Variants in LRP12 observed in about 807,000 individuals in gnomAD.
LRP12 encodes the protein low-density lipoprotein receptor-related protein 12.
LRP12 carries 14 observed loss-of-function variants against 66.0 expected under a neutral mutation model. The observed-to-expected ratio is 0.21, with a 90% confidence interval of 0.14 to 0.33. The LOEUF is 0.33. Ranked by LOEUF, LRP12 falls within the 10% of genes least tolerant of loss-of-function variation. LRP12 has a pLI of 1.00. For missense variants in LRP12, 889 were observed against 1,053.4 expected (o/e 0.84, Z 2.16); for synonymous variants, 357 against 359.1 (o/e 0.99, Z 0.07).
chr8:104,586,255 G>A (rs748138090), intron 1 of LRP12, among the ~76,000 whole-genome samples: 10 of 152,164 alleles, frequency 6.6e-5, no homozygotes, highest in Non-Finnish European at 1.5e-4. Context: ...ACATATCAGA[G>A]CCCATAAAAT....
intron 3 of LRP12, chr8:104,506,544 C>T (rs1810910005): frequency 6.6e-6 from 1 of 152,034 alleles, no homozygotes; most frequent in East Asian, 1.9e-4. Flanking sequence ...ATTACAGATC[C>T]TTTCATGGAG....
chr8:104,547,999 TATATAATATATAATTGTTATATTTTG>T (rs1811626048), intron 1 of LRP12, among the ~76,000 whole-genome samples: 1 of 123,368 alleles, frequency 8.1e-6, no homozygotes, highest in African/African-American at 3.1e-5. Flanking sequence ...TTATATTTTG[TATATAATATATAATTGTTATATTTTG>T]TATATAATAT....
chr8:104,536,504 A>C (rs185322548), intron 1 of LRP12, among the ~76,000 whole-genome samples: 3 of 152,246 alleles, frequency 2.0e-5, no homozygotes, highest in Admixed American at 2.0e-4. Context: ...CTAGTACAAA[A>C]CATAACACAT....
chr8:104,548,429 T>A (rs1445194198), intron 1 of LRP12, among the ~76,000 whole-genome samples: 20 of 112,500 alleles, frequency 1.8e-4, no homozygotes, highest in Non-Finnish European at 1.6e-4. Flanking sequence ...ATAATTAAAA[T>A]ATATAATTCT....
chr8:104,507,611 G>A (rs564068984), intron 3 of LRP12: 2 of 152,126 alleles, frequency 1.3e-5, no homozygotes, highest in Non-Finnish European at 2.9e-5. Flanking sequence ...AACATACTTA[G>A]TCACACTACA....
chr8:104,489,726 T>C lies in LRP12; in HGVS notation c.*947A>G, dbSNP rs1329461797. The C allele has an allele frequency of 6.6e-6, 1 of 152,286 alleles. No homozygotes were observed. The highest frequency in any genetic ancestry group is 1.5e-5 in the Non-Finnish European group (1 of 68,024). 9.4% of individuals were successfully genotyped at this position (152,286 alleles called of 1,614,324 possible). On this transcript the variant is annotated 3_prime_UTR_variant, in exon 7 of 7. Coordinates refer to ENST00000276654, the MANE Select transcript of LRP12 (RefSeq NM_013437.5). ...GCCAAAAGCTATGGAAATATATAGT[T>C]GCTGTGGTAGCAAATAATAGTATTT... is the stretch of plus-strand genomic sequence containing the variant.
At chr8:104,577,042 T>G (rs1812175323) in intron 1 of LRP12, among the ~76,000 whole-genome samples, 1 of 152,126 alleles carries the variant, frequency 6.6e-6, no homozygotes, top group Non-Finnish European at 1.5e-5. Flanking sequence ...AGGAAGATTT[T>G]AAATATATAT....
chr8:104,499,549 A>C, intron 3 of LRP12, 30 bp from the exon 4 acceptor site: 3 of 1,533,540 alleles, frequency 2.0e-6, no homozygotes, highest in Non-Finnish European at 2.7e-6. Flanking sequence ...TGTCTATTAA[A>C]AAGTCAATTT....
intron 6 of LRP12, among the ~76,000 whole-genome samples, chr8:104,491,810 T>C (rs996770240): frequency 6.6e-6 from 1 of 152,182 alleles, no homozygotes; most frequent in Non-Finnish European, 1.5e-5. Flanking sequence ...TGATATTTAA[T>C]GTAAATTATA....
rs1355658376 is a variant in LRP12, at chr8:104,548,271, A to G, written c.80-16308T>C. ...TATATATTATATTAATATATGATAT[A>G]TATTATATTAATATATCATATATTT... On this transcript the variant is annotated intron_variant, in intron 1 of 6. Transcript: ENST00000276654. Among the ~76,000 whole-genome samples, 6 of 94,666 alleles carry G rather than the reference A, an allele frequency of 6.3e-5. No homozygotes were observed. In the South Asian group the frequency reaches 1.7e-3, roughly 26 times the overall value. 62.1% of individuals were successfully genotyped at this position (94,666 alleles called of 152,430 possible).
intron 1 of LRP12, among the ~76,000 whole-genome samples, chr8:104,579,529 T>C (rs1812214328): frequency 6.6e-6 from 1 of 152,186 alleles, no homozygotes; most frequent in Non-Finnish European, 1.5e-5. Context: ...GATTCAATGC[T>C]ATTCCTATTA....
chr8:104,497,067 A>G lies in LRP12; in HGVS notation c.1485T>C (p.Thr495=). Residue 495 remains threonine, a synonymous_variant, in exon 5 of 7, where the codon ACT becomes ACC. Transcript: ENST00000276654. The surrounding 1 kb of genome is among the most constrained non-coding windows in gnomAD (Gnocchi z 4.3). The part of the protein sequence containing the change: ...CPVIVPTRVI[T]AAVIGSLICG... Reference sequence around the variant, plus strand: ...AGATGAGGCTCCCTATGACGGCAGCAGTGATGACTCTTGTAGGCACGATTA... The same window carrying G: ...AGATGAGGCTCCCTATGACGGCAGCGGTGATGACTCTTGTAGGCACGATTA... The G allele has an allele frequency of 1.9e-6, 3 of 1,611,922 alleles. No homozygotes were observed. Among genetic ancestry groups the G allele is most frequent in the Non-Finnish European group, 2.5e-6 (3 of 1,178,648 alleles).
chr8:104,499,842 C>T (rs995240590), intron 3 of LRP12, among the ~76,000 whole-genome samples: 6 of 152,138 alleles, frequency 3.9e-5, no homozygotes, highest in African/African-American at 9.7e-5. Context: ...TAACTCAGAA[C>T]ATCCTAAACT....
Position 104,497,116 on chromosome 8 carries a change from C to A in LRP12, c.1436G>T (p.Gly479Val), listed in dbSNP as rs1331451500. Reference protein sequence around the residue: ...VCDSQDDCGDGSDEENCPVIV... With the variant: ...VCDSQDDCGDVSDEENCPVIV... ...TACTGGGCAATTTTCTTCATCGCTG[C>A]CATCACCACAGTCATCTTGAGAATC... The change falls in exon 5 of 7, where the codon GGC (glycine) becomes GTC (valine). Residue 479 changes from glycine to valine, a missense_variant. This residue lies in a region of LRP12 where 800 missense variants were observed against 964.5 expected (regional missense o/e 0.83). Transcript: ENST00000276654. The surrounding 1 kb of genome is among the most constrained non-coding windows in gnomAD (Gnocchi z 4.3). 1 of 1,613,482 alleles carries A rather than the reference C, an allele frequency of 6.2e-7. No individual in the cohort carries two copies. Among genetic ancestry groups the A allele is most frequent in the Non-Finnish European group, 8.5e-7 (1 of 1,179,668 alleles).
chr8:104,546,376 G>T (rs1268805850), intron 1 of LRP12, among the ~76,000 whole-genome samples: 1 of 152,032 alleles, frequency 6.6e-6, no homozygotes, highest in African/African-American at 2.4e-5. Flanking sequence ...ACCCAAAAAA[G>T]CTCTCTGATG....
chr8:104,517,317 AG>A lies in LRP12; in HGVS notation c.137-8244del, dbSNP rs143828981. Reference sequence around the variant, plus strand: ...GCCGACCAAAAACCTATATTATACAAGTATAGAACAGAGAAGGTTATGCTTG... The same window carrying A: ...GCCGACCAAAAACCTATATTATACAATATAGAACAGAGAAGGTTATGCTTG... On this transcript the variant is annotated intron_variant, in intron 2 of 6. Transcript: ENST00000276654. Among the ~76,000 whole-genome samples the A allele has an allele frequency of 3.6e-3, 551 of 151,894 alleles. 7 individuals are homozygous for A. The highest frequency in any genetic ancestry group is 0.012 in the African/African-American group (506 of 41,454).
intron 1 of LRP12, among the ~76,000 whole-genome samples, chr8:104,583,510 T>C (rs1812287038): frequency 6.6e-6 from 1 of 152,188 alleles, no homozygotes. Context: ...TTACTCACTA[T>C]CTCTGCCCCA....
chr8:104,562,055 A>C (rs1043259882), intron 1 of LRP12, among the ~76,000 whole-genome samples: 9 of 152,204 alleles, frequency 5.9e-5, no homozygotes, highest in African/African-American at 2.2e-4. Flanking sequence ...TTCTACGAGC[A>C]GAAGCGTAAA....
At chr8:104,549,517 C>A (rs1290217941) in intron 1 of LRP12, among the ~76,000 whole-genome samples, 5 of 151,568 alleles carry the variant, frequency 3.3e-5, no homozygotes, top group African/African-American at 4.9e-5. Context: ...ATTCTCCTGC[C>A]TCAGCCTCCC....
Sources: allele counts gnomAD v4.1 joint callset (sites outside exome capture counted in the v4.1 genomes callset), GRCh38; gene constraint gnomAD v4.1.1; regional missense constraint gnomAD v4.1.1; non-coding constraint Gnocchi (gnomAD v3.1); transcripts MANE v1.5; gene names NCBI Gene and HGNC (gene_info 2026-07-23, HGNC 2026-07-21).